Variants in NDUFAF5 observed in about 807,000 individuals in gnomAD.
NDUFAF5 encodes the protein NADH:ubiquinone oxidoreductase complex assembly factor 5, also known as arginine-hydroxylase NDUFAF5, mitochondrial.
In NDUFAF5, 34 loss-of-function variants were observed where a neutral mutation model predicts 48.9. The ratio of observed to expected loss-of-function variants is 0.70; its 90% CI spans 0.53 to 0.93. The LOEUF is 0.93. Among genes scored for constraint, NDUFAF5 ranks in the 40% least tolerant of loss-of-function variants. The probability of loss-of-function intolerance (pLI) is 0.00; values close to 1 mark genes in which losing one functional copy is unlikely to be tolerated. For missense variants in NDUFAF5, 428 were observed against 427.5 expected, an observed-to-expected ratio of 1.00 and a Z score of -0.01; for synonymous variants, 153 against 150.6, an observed-to-expected ratio of 1.02 and a Z score of -0.12.
rs1052196345 is a variant in NDUFAF5, at chr20:13,820,885, G to A, written c.*3675G>A. The A allele has an allele frequency of 6.6e-6, 1 of 152,106 alleles. No individual in the cohort carries two copies. The highest frequency in any genetic ancestry group is 2.4e-5 in the African/African-American group (1 of 41,402). The allele number at this position is 152,106 out of a possible 1,614,324, so 9.4% of individuals were successfully genotyped here. On this transcript the variant is annotated 3_prime_UTR_variant, in exon 11 of 11. Coordinates refer to ENST00000378106, the MANE Select transcript of NDUFAF5 (RefSeq NM_024120.5). Reference sequence around the variant, plus strand: ...TTGTAAGTTACCATTAGCCTCTCTTGCTTAAGAAATATTTTGAGCTTTTTT... The same window carrying A: ...TTGTAAGTTACCATTAGCCTCTCTTACTTAAGAAATATTTTGAGCTTTTTT...
Position 13,785,044 on chromosome 20 carries a change from C to A in NDUFAF5, c.-25C>A. 6.3e-7 allele frequency: 1 copy of A among 1,599,268 alleles called. No individual in the cohort carries two copies. Among genetic ancestry groups the A allele is most frequent in the South Asian group, 1.1e-5 (1 of 89,860 alleles). On this transcript the variant is annotated 5_prime_UTR_variant, in exon 1 of 11. Transcript: ENST00000378106. The stretch of plus-strand genomic sequence containing the variant: ...CGCTGGCGCATGCGCACAAAAAGCG[C>A]CGGCAATTGGGGTCGCAGCTGGAGA...
At chr20:13,813,366 A>C (rs1233698101) in intron 8 of NDUFAF5, among the ~76,000 whole-genome samples, 1 of 152,258 alleles carries the variant, frequency 6.6e-6, no homozygotes, top group African/African-American at 2.4e-5. Context: ...TTTTTGATAC[A>C]TCTTATCCTT....
chr20:13,807,526 T>C (rs6042367), intron 7 of NDUFAF5, among the ~76,000 whole-genome samples: 60,539 of 151,684 alleles, frequency 0.4, 12,352 homozygotes, highest in East Asian at 0.54. Flanking sequence ...TAACATGTCT[T>C]GGAGATTTTT....
chr20:13,787,181 G>A, intron 1 of NDUFAF5, 131 bp from the exon 2 acceptor site: 1 of 1,016,472 alleles, frequency 9.8e-7, no homozygotes, highest in Non-Finnish European at 1.6e-6. Flanking sequence ...TGAGAAGAAA[G>A]TTCCTGTGGT....
At chr20:13,802,335 T>G (rs963566425) in intron 7 of NDUFAF5, among the ~76,000 whole-genome samples, 3 of 152,098 alleles carry the variant, frequency 2.0e-5, no homozygotes, top group Non-Finnish European at 4.4e-5. Context: ...ATAGGGAAAT[T>G]TGAGTAACTT....
At chr20:13,812,437 T>A (rs1985991869) in intron 8 of NDUFAF5, among the ~76,000 whole-genome samples, 1 of 152,188 alleles carries the variant, frequency 6.6e-6, no homozygotes, top group Admixed American at 6.5e-5. Flanking sequence ...GGTGGGCTGA[T>A]GATATATCAC....
chr20:13,821,127 G>T lies in NDUFAF5; in HGVS notation c.*3917G>T, dbSNP rs2147647311. ...TTAACAAATAAGAAAATAATGCTTT[G>T]CCATCTGTGGTGGTTTTAAAATCTA... is the stretch of plus-strand genomic sequence containing the variant. On this transcript the variant is annotated 3_prime_UTR_variant, in exon 11 of 11. Coordinates refer to ENST00000378106, the MANE Select transcript of NDUFAF5 (RefSeq NM_024120.5). 1 of 152,282 alleles carries T rather than the reference G, an allele frequency of 6.6e-6. No individual in the cohort carries two copies. The highest frequency in any genetic ancestry group is 1.9e-4 in the East Asian group (1 of 5,186). The allele number at this position is 152,282 out of a possible 1,614,324, so 9.4% of individuals were successfully genotyped here.
Position 13,802,241 on chromosome 20 carries a change from A to G in NDUFAF5, c.717+558A>G, listed in dbSNP as rs373943849. On this transcript the variant is annotated intron_variant, in intron 7 of 10. Transcript: ENST00000378106. ...ATCAGTGAGTAATAAGCATGAAGTC[A>G]GCATGGTACGGTGACGGGGTAGGAC... Among the ~76,000 whole-genome samples the G allele has an allele frequency of 5.6e-4, 86 of 152,354 alleles. 1 individual carries two copies. The East Asian group carries it at 0.011, about 20-fold the overall frequency.
At chr20:13,800,421 T>C (rs370259260) in intron 6 of NDUFAF5, among the ~76,000 whole-genome samples, 1 of 152,240 alleles carries the variant, frequency 6.6e-6, no homozygotes, top group African/African-American at 2.4e-5. Context: ...ATTTGGATTC[T>C]GGTTTACTTC....
chr20:13,785,288 G>A lies in NDUFAF5; in HGVS notation c.220G>A (p.Glu74Lys), dbSNP rs1170201571. 1 of 1,604,956 alleles carries A rather than the reference G, an allele frequency of 6.2e-7. No individual in the cohort carries two copies. Among genetic ancestry groups the A allele is most frequent in the East Asian group, 2.2e-5 (1 of 44,716 alleles). ...GACCAAATTTGACTACCTGAAGGAGGAGGTGAGCCCGCGGGGCGGCGGGGC... is the reference window on the plus strand; with the variant it reads ...GACCAAATTTGACTACCTGAAGGAGAAGGTGAGCCCGCGGGGCGGCGGGGC... ...EPTKFDYLKE[E>K]VGSRIADRVY... Residue 74 changes from glutamate to lysine, a missense_variant and splice_region_variant, in exon 1 of 11, where the codon GAG becomes AAG. By Grantham distance (56) the Glu-to-Lys change is moderately conservative. Transcript: ENST00000378106.
chr20:13,790,338 A>C (rs200113571), intron 3 of NDUFAF5, among the ~76,000 whole-genome samples: 3 of 348 alleles, frequency 8.6e-3, no homozygotes, highest in African/African-American at 6.3e-3. Context: ...TTAGTAACTC[A>C]ACGCCAAAAA....
chr20:13,785,368 C>T lies in NDUFAF5; in HGVS notation c.222+78C>T. 4 of 1,251,196 alleles carry T rather than the reference C, an allele frequency of 3.2e-6. No individual in the cohort carries two copies. In the Admixed American group the frequency reaches 6.2e-5, roughly 19 times the overall value. 77.5% of individuals were successfully genotyped at this position (1,251,196 alleles called of 1,614,324 possible). Reference sequence around the variant, plus strand: ...TCCTCTCCGCTAGTTCCGGCTAGGCCCCGAGCTCACCCCACCTAGCCGTCT... The same window carrying T: ...TCCTCTCCGCTAGTTCCGGCTAGGCTCCGAGCTCACCCCACCTAGCCGTCT... On this transcript the variant is annotated intron_variant, in intron 1 of 10. Coordinates refer to ENST00000378106, the MANE Select transcript of NDUFAF5 (RefSeq NM_024120.5).
rs376121989 is a variant in NDUFAF5, at chr20:13,817,803, A to G, written c.*593A>G. 4.6e-6 allele frequency: 1 copy of G among 216,346 alleles called. No homozygotes were observed. Among genetic ancestry groups the G allele is most frequent in the Non-Finnish European group, 1.1e-5 (1 of 92,074 alleles). The allele number at this position is 216,346 out of a possible 1,614,324, so 13.4% of individuals were successfully genotyped here. ...TAGAATCACATGTAACAGTCTCTGCACAGTCATCAGTTTATTGTTAAGCTT... is the reference window on the plus strand; with the variant it reads ...TAGAATCACATGTAACAGTCTCTGCGCAGTCATCAGTTTATTGTTAAGCTT... On this transcript the variant is annotated 3_prime_UTR_variant, in exon 11 of 11. Transcript: ENST00000378106.
intron 6 of NDUFAF5, among the ~76,000 whole-genome samples, chr20:13,798,904 C>A (rs1015244781): frequency 2.6e-5 from 4 of 152,068 alleles, no homozygotes; most frequent in African/African-American, 9.7e-5. Context: ...TCGATTGACA[C>A]GTATCAATAG....
intron 7 of NDUFAF5, among the ~76,000 whole-genome samples, chr20:13,808,039 G>A (rs1221400553): frequency 6.6e-6 from 1 of 152,082 alleles, no homozygotes; most frequent in East Asian, 1.9e-4. Context: ...TCACATCACA[G>A]CTGCGTGCTG....
At position 13,817,946 on chromosome 20, in the gene NDUFAF5, G is replaced by T. The variant is rs1220323539; in HGVS notation, c.*736G>T. On this transcript the variant is annotated 3_prime_UTR_variant, in exon 11 of 11. Transcript: ENST00000378106. Reference sequence around the variant, plus strand: ...ATCAAGCTCAGACAGCTTAGGATAGGTGAGAAGAACATAGAGGAAGCAGGG... The same window carrying T: ...ATCAAGCTCAGACAGCTTAGGATAGTTGAGAAGAACATAGAGGAAGCAGGG... 2.2e-6 allele frequency: 1 copy of T among 454,188 alleles called. No homozygotes were observed. 28.1% of individuals were successfully genotyped at this position (454,188 alleles called of 1,614,324 possible).
In NDUFAF5 at chr20:13,797,458, C is replaced by T. The variant is rs575324909; in HGVS notation, c.480-1003C>T. Among the ~76,000 whole-genome samples, 42 of 152,208 alleles carry T rather than the reference C, an allele frequency of 2.8e-4. 1 individual carries two copies. The highest frequency in any genetic ancestry group is 7.9e-4 in the African/African-American group (33 of 41,522). On this transcript the variant is annotated intron_variant, in intron 5 of 10. Transcript: ENST00000378106. ...AAAATATTTGGAGGAAACTTAAATG[C>T]GTATTACTGAATGACAGAAGCTAAT...
intron 4 of NDUFAF5, 51 bp downstream of exon 4, chr20:13,793,278 C>A: frequency 7.1e-7 from 1 of 1,406,804 alleles, no homozygotes; most frequent in South Asian, 1.2e-5. Context: ...TGTGTTTTCT[C>A]ATATTTTATT....
chr20:13,813,573 A>C (rs998581536), intron 8 of NDUFAF5, among the ~76,000 whole-genome samples: 1 of 152,354 alleles, frequency 6.6e-6, no homozygotes. Context: ...AGAAGAACGC[A>C]AAGATAGAGA....
Sources: gnomAD v4.1 joint callset for allele counts (sites outside exome capture counted in the v4.1 genomes callset) on GRCh38, gnomAD v4.1.1 for gene constraint, MANE v1.5 for transcripts, NCBI Gene and HGNC (gene_info 2026-07-23, HGNC 2026-07-21) for gene names.